The following PYGO1 variants were observed in gnomAD, a reference collection of about 807,000 sequenced individuals.
The protein encoded by PYGO1 is pygopus homolog 1.
In PYGO1, 6 loss-of-function variants were observed where a neutral mutation model predicts 29.5. That is an observed-to-expected ratio of 0.20 (90% CI 0.11 to 0.40). The LOEUF (loss-of-function observed/expected upper bound fraction) is 0.40, where lower values mean the gene tolerates loss of function less well. PYGO1 is among the 10% of genes least tolerant of loss of function. The probability of loss-of-function intolerance (pLI) is 1.00; values close to 1 mark genes in which losing one functional copy is unlikely to be tolerated. For missense variants in PYGO1, 515 were observed against 514.9 expected (o/e 1.00, Z 0.00); for synonymous variants, 186 against 180.5 (o/e 1.03, Z -0.24).
intron 1 of PYGO1, among the ~76,000 whole-genome samples, chr15:55,582,173 C>T (rs959464643): frequency 6.9e-6 from 1 of 144,892 alleles, no homozygotes; most frequent in African/African-American, 2.6e-5. Flanking sequence ...TGCCACTGCA[C>T]TCCAGCCTGG....
At chr15:55,572,054 C>T (rs2058982524) in intron 1 of PYGO1, among the ~76,000 whole-genome samples, 1 of 151,876 alleles carries the variant, frequency 6.6e-6, no homozygotes, top group Non-Finnish European at 1.5e-5. Context: ...GGGCATCTTC[C>T]ACAGAAAAAG....
At chr15:55,588,588 CG>C (rs565903480), upstream of PYGO1, among the ~76,000 whole-genome samples, 5 of 148,074 alleles carry the variant, frequency 3.4e-5, no homozygotes, top group South Asian at 1.0e-3. Flanking sequence ...CGCGGGCCCG[CG>C]GCTCTTGCAG....
At chr15:55,587,763 C>T (rs924778980) in intron 1 of PYGO1, 72 bp downstream of exon 1, 39 of 1,440,210 alleles carry the variant, frequency 2.7e-5, no homozygotes, top group Non-Finnish European at 3.6e-5. Context: ...CATGGCCTCC[C>T]GGCGGCCGGG....
intron 1 of PYGO1, among the ~76,000 whole-genome samples, chr15:55,554,131 C>T (rs1465980045): frequency 6.6e-6 from 1 of 152,102 alleles, no homozygotes; most frequent in Non-Finnish European, 1.5e-5. Flanking sequence ...GCCTCTTCTC[C>T]TCCTAATGAT....
rs1186830194 is a variant in PYGO1, at chr15:55,546,062, T to C, written c.1221A>G (p.Arg407=). The change falls in exon 3 of 3, where the codon AGA becomes AGG. Residue 407 remains arginine (R), a synonymous_variant. Transcript: ENST00000563719. ...CCACTGCAGATGGACCAAAAGTTTC[T>C]CTAGTACGCATTAACTGGACATCTT... is the stretch of plus-strand genomic sequence containing the variant. The part of the protein sequence containing the change: ...ADKDVQLMRT[R]ETFGPSAVGS... 1 of 1,614,012 alleles carries C rather than the reference T, an allele frequency of 6.2e-7. No homozygotes were observed. The highest frequency in any genetic ancestry group is 8.5e-7 in the Non-Finnish European group (1 of 1,179,890).
chr15:55,581,335 C>T (rs1567060488), intron 1 of PYGO1, among the ~76,000 whole-genome samples: 1 of 152,148 alleles, frequency 6.6e-6, no homozygotes, highest in African/African-American at 2.4e-5. Context: ...AGTGTGAATA[C>T]TGCAGAACTG....
At chr15:55,569,277 A>G (rs1040137930) in intron 1 of PYGO1, among the ~76,000 whole-genome samples, 2 of 152,026 alleles carry the variant, frequency 1.3e-5, no homozygotes, top group Non-Finnish European at 2.9e-5. Context: ...TGGTGTCTCA[A>G]TTTGTTATAT....
chr15:55,566,808 A>G (rs1296626520), intron 1 of PYGO1, among the ~76,000 whole-genome samples: 1 of 152,068 alleles, frequency 6.6e-6, no homozygotes, highest in Non-Finnish European at 1.5e-5. Context: ...ACAGCTGACT[A>G]CAGCCTTGCC....
chr15:55,545,161 A>G lies in PYGO1; in HGVS notation c.*862T>C, dbSNP rs1052602557. The G allele has an allele frequency of 6.6e-6, 1 of 152,186 alleles. No individual in the cohort carries two copies. The highest frequency in any genetic ancestry group is 2.4e-5 in the African/African-American group (1 of 41,430). 9.4% of individuals were successfully genotyped at this position (152,186 alleles called of 1,614,324 possible). On this transcript the variant is annotated 3_prime_UTR_variant, in exon 3 of 3. Coordinates refer to ENST00000563719, the MANE Select transcript of PYGO1 (RefSeq NM_001367806.1). Reference sequence around the variant, plus strand: ...GATGTTTCTACCTTCCTCATCTGCAATATGTCCCAGTTCAAAATTATAAAA... The same window carrying G: ...GATGTTTCTACCTTCCTCATCTGCAGTATGTCCCAGTTCAAAATTATAAAA...
At position 55,541,322 on chromosome 15, in the gene PYGO1, TGGA is replaced by T. The variant is rs1369083619; in HGVS notation, c.*4698_*4700del. The T allele has an allele frequency of 3.3e-5, 5 of 152,150 alleles. No homozygotes were observed. Among genetic ancestry groups the T allele is most frequent in the African/African-American group, 9.7e-5 (4 of 41,418 alleles). The allele number at this position is 152,150 out of a possible 1,614,324, so 9.4% of individuals were successfully genotyped here. On this transcript the variant is annotated 3_prime_UTR_variant, in exon 3 of 3. Transcript: ENST00000563719. ...GTGACTTTTATAATGCTCTACTGGA[TGGA>T]ACAATAAGCTACTAAAAATTAGAAA... is the stretch of plus-strand genomic sequence containing the variant.
chr15:55,561,089 C>G (rs1018795084), intron 1 of PYGO1, among the ~76,000 whole-genome samples: 2 of 152,268 alleles, frequency 1.3e-5, no homozygotes, highest in South Asian at 4.1e-4. Flanking sequence ...TCAAACTATA[C>G]TACAAGGCTA....
rs1009149131 is a variant in PYGO1, at chr15:55,539,020, A to C, written c.*7003T>G. 1 of 152,228 alleles carries C rather than the reference A, an allele frequency of 6.6e-6. No homozygotes were observed. The highest frequency in any genetic ancestry group is 2.4e-5 in the African/African-American group (1 of 41,468). 9.4% of individuals were successfully genotyped at this position (152,228 alleles called of 1,614,324 possible). A position where few individuals can be genotyped will look rare whatever the true frequency, so the allele number is the denominator to read the frequency against. ...ACTAATGGTAGGTCTATATACTGAT[A>C]AACAACATTCCTTATACAACGCACA... On this transcript the variant is annotated 3_prime_UTR_variant, in exon 3 of 3. Transcript: ENST00000563719.
At chr15:55,565,430 G>A (rs181908752) in intron 1 of PYGO1, among the ~76,000 whole-genome samples, 12 of 152,060 alleles carry the variant, frequency 7.9e-5, no homozygotes, top group South Asian at 2.1e-4. Flanking sequence ...TTGGCCAAGC[G>A]CGGTGGCTCA....
At position 55,547,037 on chromosome 15, in the gene PYGO1, T is replaced by A; in HGVS notation, c.246A>T (p.Lys82Asn). The A allele has an allele frequency of 6.2e-7, 1 of 1,613,802 alleles. No individual in the cohort carries two copies. The highest frequency in any genetic ancestry group is 1.1e-5 in the South Asian group (1 of 91,072). Residue 82 changes from lysine to asparagine, a missense_variant, in exon 3 of 3, where the codon AAA (lysine) becomes AAT (asparagine). By Grantham distance (94) the Lys-to-Asn change is moderately conservative. Coordinates refer to ENST00000563719, the MANE Select transcript of PYGO1 (RefSeq NM_001367806.1). ...GATATGGATTTGACGAAGGTAGTGGTTTATAGGAAATAGTATTATAGTTGT... is the reference window on the plus strand; with the variant it reads ...GATATGGATTTGACGAAGGTAGTGGATTATAGGAAATAGTATTATAGTTGT... The part of the protein sequence containing the change: ...FDDNYNTISY[K>N]PLPSSNPYLG...
chr15:55,540,679 G>A lies in PYGO1; in HGVS notation c.*5344C>T, dbSNP rs1286756934. 1 of 152,038 alleles carries A rather than the reference G, an allele frequency of 6.6e-6. No individual in the cohort carries two copies. The highest frequency in any genetic ancestry group is 1.5e-5 in the Non-Finnish European group (1 of 67,964). The allele number at this position is 152,038 out of a possible 1,614,324, so 9.4% of individuals were successfully genotyped here. A position where few individuals can be genotyped will look rare whatever the true frequency, so the allele number is the denominator to read the frequency against. ...TCCTTTGCCATAGGAATAAATGTTG[G>A]ACAAAGTCTGGAAACATTTTTTTTT... On this transcript the variant is annotated 3_prime_UTR_variant, in exon 3 of 3. Transcript: ENST00000563719.
At chr15:55,550,394 C>T (rs2058873656) in intron 1 of PYGO1, among the ~76,000 whole-genome samples, 1 of 152,126 alleles carries the variant, frequency 6.6e-6, no homozygotes. Context: ...AATTTCTGCC[C>T]CTCCTGTCTG....
chr15:55,587,549 A>G (rs963518599), intron 1 of PYGO1, among the ~76,000 whole-genome samples: 1 of 151,660 alleles, frequency 6.6e-6, no homozygotes, highest in Non-Finnish European at 1.5e-5. Context: ...CTGTCTTGAG[A>G]ACGAGGAGAG....
At chr15:55,554,164 C>A (rs2058892589) in intron 1 of PYGO1, among the ~76,000 whole-genome samples, 1 of 152,092 alleles carries the variant, frequency 6.6e-6, no homozygotes, top group African/African-American at 2.4e-5. Flanking sequence ...CCAGCAAGGG[C>A]ACTGAACTGG....
chr15:55,579,284 T>G (rs992260493), intron 1 of PYGO1, among the ~76,000 whole-genome samples: 1 of 152,176 alleles, frequency 6.6e-6, no homozygotes, highest in African/African-American at 2.4e-5. Flanking sequence ...GAGATGGTGA[T>G]GAGTCTGATA....
Sources: allele counts gnomAD v4.1 joint callset (sites outside exome capture counted in the v4.1 genomes callset), GRCh38; gene constraint gnomAD v4.1.1; transcripts MANE v1.5; gene names NCBI Gene and HGNC (gene_info 2026-07-23, HGNC 2026-07-21).